MICU2: variants seen among roughly 807,000 people sequenced by gnomAD.
MICU2 encodes mitochondrial calcium uptake 2, also known as calcium uptake protein 2, mitochondrial.
MICU2 carries 64 observed loss-of-function variants against 60.4 expected under a neutral mutation model. That is an observed-to-expected ratio of 1.06 (90% CI 0.87 to 1.31). The LOEUF (loss-of-function observed/expected upper bound fraction) is 1.31, where lower values mean the gene tolerates loss of function less well. MICU2 is among the 50% of genes most tolerant of loss of function. The pLI, the probability that MICU2 is intolerant of heterozygous loss-of-function variation, is 0.00. For synonymous variants in MICU2, 201 were observed against 175.0 expected (o/e 1.15, Z -1.17); for missense variants, 569 against 531.0 (o/e 1.07, Z -0.70).
rs144692655 is a variant in MICU2 at position 21,539,309 on chromosome 13, G to A, written c.459C>T (p.Gly153=). ...ACAACAAACCAAAATTACCTTTATC[G>A]CCAAGGTCTCTGAAAAAAGTTGATC... ...GCGSTFFRDL[G]DKGLISYTEY... Residue 153 remains glycine, a synonymous_variant, in exon 4 of 12, where the codon GGC becomes GGT. Transcript: ENST00000382374. 5.5e-4 allele frequency: 884 copies of A among 1,613,174 alleles called. 7 individuals are homozygous for A. The African/African-American group carries it at 0.01, about 19-fold the overall frequency.
intron 2 of MICU2, among the ~76,000 whole-genome samples, chr13:21,547,236 T>C (rs1047686086): frequency 6.6e-6 from 1 of 152,182 alleles, no homozygotes; most frequent in Non-Finnish European, 1.5e-5. Context: ...CCACTTTTGA[T>C]GGGGAGTGAT....
At chr13:21,555,311 G>A (rs1402234432) in intron 2 of MICU2, among the ~76,000 whole-genome samples, 3 of 152,104 alleles carry the variant, frequency 2.0e-5, no homozygotes, top group Non-Finnish European at 4.4e-5. Context: ...ACATCAAAAA[G>A]CTTATCCACC....
At chr13:21,602,541 C>T (rs752783452) in intron 1 of MICU2, among the ~76,000 whole-genome samples, 2 of 151,436 alleles carry the variant, frequency 1.3e-5, no homozygotes, top group Non-Finnish European at 3.0e-5. Flanking sequence ...AAAACAAAAA[C>T]AAAAAACAAA....
intron 4 of MICU2, among the ~76,000 whole-genome samples, chr13:21,532,715 C>T (rs924302970): frequency 6.6e-5 from 10 of 152,234 alleles, no homozygotes; most frequent in East Asian, 3.9e-4. Context: ...CAAATACTGC[C>T]GAGGTCACAT....
At chr13:21,508,308 G>A (rs1886343992) in intron 8 of MICU2, among the ~76,000 whole-genome samples, 1 of 151,842 alleles carries the variant, frequency 6.6e-6, no homozygotes, top group Non-Finnish European at 1.5e-5. Context: ...TGTATTTTTA[G>A]TAGAGACGGG....
chr13:21,549,820 TATA>T (rs1887508750), intron 2 of MICU2, among the ~76,000 whole-genome samples: 2 of 152,188 alleles, frequency 1.3e-5, no homozygotes, highest in African/African-American at 4.8e-5. Context: ...ACTTTAACTT[TATA>T]ATAATTAATA....
chr13:21,504,627 A>G (rs1020226886), intron 8 of MICU2, among the ~76,000 whole-genome samples: 4 of 152,234 alleles, frequency 2.6e-5, no homozygotes, highest in Non-Finnish European at 5.9e-5. Context: ...TTTATAGTAG[A>G]TAAGGCTGCC....
chr13:21,497,317 A>G (rs1045888678), intron 9 of MICU2, among the ~76,000 whole-genome samples: 2 of 152,140 alleles, frequency 1.3e-5, no homozygotes, highest in Admixed American at 6.5e-5. Flanking sequence ...GTGAGCCAAG[A>G]TCGCGCCACT....
At chr13:21,528,563 T>C (rs1886911945) in intron 4 of MICU2, among the ~76,000 whole-genome samples, 2 of 152,304 alleles carry the variant, frequency 1.3e-5, no homozygotes, top group Non-Finnish European at 2.9e-5. Flanking sequence ...TCCACTGTAT[T>C]GGGCTTCCTC....
intron 1 of MICU2, among the ~76,000 whole-genome samples, chr13:21,600,392 T>C (rs1298467255): frequency 1.3e-5 from 2 of 152,152 alleles, no homozygotes; most frequent in Non-Finnish European, 2.9e-5. Flanking sequence ...CATAATTCCT[T>C]CAGGAAACCA....
At chr13:21,505,319 A>G (rs1886266792) in intron 8 of MICU2, among the ~76,000 whole-genome samples, 1 of 152,192 alleles carries the variant, frequency 6.6e-6, no homozygotes, top group Admixed American at 6.5e-5. Flanking sequence ...CCAGAAAAAC[A>G]CAACAAAATC....
intron 4 of MICU2, 134 bp from the exon 5 acceptor site, chr13:21,522,784 T>G (rs1010219539): frequency 7.0e-6 from 4 of 568,972 alleles, no homozygotes; most frequent in Admixed American, 4.0e-5. Flanking sequence ...AGTGGAAAAT[T>G]TTTATAATAG....
intron 1 of MICU2, among the ~76,000 whole-genome samples, chr13:21,567,387 T>C (rs11148159): frequency 6.6e-6 from 1 of 151,800 alleles, no homozygotes; most frequent in Non-Finnish European, 1.5e-5. Context: ...ACAAAGTCCA[T>C]GAGGTGGGAA....
chr13:21,596,419 C>T (rs1235723175), intron 1 of MICU2, among the ~76,000 whole-genome samples: 1 of 147,360 alleles, frequency 6.8e-6, no homozygotes, highest in Non-Finnish European at 1.5e-5. Flanking sequence ...AAGTCAGCCA[C>T]ATTCAGGTTC....
chr13:21,568,308 C>A (rs987548741), intron 1 of MICU2, among the ~76,000 whole-genome samples: 12 of 152,150 alleles, frequency 7.9e-5, no homozygotes, highest in African/African-American at 2.7e-4. Flanking sequence ...CTTCCTTGAG[C>A]AGCTAGTTTT....
At chr13:21,533,222 T>C (rs1013839692) in intron 4 of MICU2, among the ~76,000 whole-genome samples, 10 of 152,130 alleles carry the variant, frequency 6.6e-5, no homozygotes, top group Non-Finnish European at 1.3e-4. Context: ...GTATAGGATA[T>C]ACTTCATAAT....
In MICU2 at chr13:21,496,423, C is replaced by T. The variant is rs1040648254; in HGVS notation, c.934-263G>A. ...GGTGCCTTGATCTTGGACTCCTGGC[C>T]TCCAGAACTGTGAGAAATAAATTTA... On this transcript the variant is annotated intron_variant, in intron 9 of 11. Coordinates refer to ENST00000382374, the MANE Select transcript of MICU2 (RefSeq NM_152726.3). The T allele has an allele frequency of 2.5e-5, 10 of 400,410 alleles. No homozygotes were observed. The East Asian group carries it at 4.3e-4, about 17-fold the overall frequency. 24.8% of individuals were successfully genotyped at this position (400,410 alleles called of 1,614,324 possible).
In MICU2 at chr13:21,561,013, A is replaced by C. The variant is rs1177979414; in HGVS notation, c.358+5784T>G. Among the ~76,000 whole-genome samples, 4 of 152,196 alleles carry C rather than the reference A, an allele frequency of 2.6e-5. No homozygotes were observed. The South Asian group carries it at 8.3e-4, about 31-fold the overall frequency. ...TGCCAGCTTCACTTTCATTGGTTGA[A>C]AATATTTTAAAATTTCTTTTGAGAT... On this transcript the variant is annotated intron_variant, in intron 2 of 11. Transcript: ENST00000382374.
chr13:21,495,717 G>T (rs1885978547), intron 10 of MICU2: 1 of 212,784 alleles, frequency 4.7e-6, no homozygotes, highest in African/African-American at 2.3e-5. Flanking sequence ...TGTATTTTTA[G>T]TAGAGATGGG....
Sources: allele counts gnomAD v4.1 joint callset (sites outside exome capture counted in the v4.1 genomes callset), GRCh38; gene constraint gnomAD v4.1.1; transcripts MANE v1.5; gene names NCBI Gene and HGNC (gene_info 2026-07-23, HGNC 2026-07-21).